CSN1S1: variants seen among roughly 807,000 people sequenced by gnomAD.
The protein encoded by CSN1S1 is alpha-S1-casein.
Under a neutral mutation model 49.1 loss-of-function variants are expected in CSN1S1, and 63 were observed. The ratio of observed to expected loss-of-function variants is 1.28; its 90% CI spans 1.05 to 1.58. The LOEUF (loss-of-function observed/expected upper bound fraction) is 1.58, where lower values mean the gene tolerates loss of function less well. CSN1S1 is among the 40% of genes most tolerant of loss of function. The pLI, the probability that CSN1S1 is intolerant of heterozygous loss-of-function variation, is 0.00. For missense variants in CSN1S1, 260 were observed against 224.7 expected (o/e 1.16, Z -1.01); for synonymous variants, 78 against 67.1 (o/e 1.16, Z -0.79).
At position 69,942,557 on chromosome 4, in the gene CSN1S1, G is replaced by A; in HGVS notation, c.382G>A (p.Glu128Lys). Residue 128 changes from glutamate to lysine, a missense_variant, in exon 14 of 16, where the codon GAA (glutamate) becomes AAA (lysine). Physicochemically the swap from Glu to Lys is moderately conservative, Grantham distance 56 (BLOSUM62 1). Coordinates refer to ENST00000246891, the MANE Select transcript of CSN1S1 (RefSeq NM_001890.2). ...GCAGGAGCAAATTCGCAGAATGAATGAAAACAGCCATGTCCAAGTGGTAAT... is the reference window on the plus strand; with the variant it reads ...GCAGGAGCAAATTCGCAGAATGAATAAAAACAGCCATGTCCAAGTGGTAAT... ...HAQEQIRRMNENSHVQVPFQQ... is the reference protein window; with the variant it reads ...HAQEQIRRMNKNSHVQVPFQQ... 1 of 1,588,096 alleles carries A rather than the reference G, an allele frequency of 6.3e-7. No homozygotes were observed.
chr4:69,940,026 GTC>G lies in CSN1S1; in HGVS notation c.287_288del (p.Leu96GlnfsTer2). ...SSISSSSEEM[S>X]LSKCAEQFCR... ...ATGTTTTAATTTTTTTAAAGGAAAT[GTC>G]TCTCAGTAAGTGTGCGGTAAGACAT... On this transcript the variant is annotated frameshift_variant, in exon 11 of 16. Transcript: ENST00000246891. LOFTEE classifies it high-confidence loss of function. The G allele has an allele frequency of 7.2e-7, 1 of 1,395,950 alleles. No individual in the cohort carries two copies. Among genetic ancestry groups the G allele is most frequent in the Non-Finnish European group, 9.7e-7 (1 of 1,035,014 alleles). 86.5% of individuals were successfully genotyped at this position (1,395,950 alleles called of 1,614,324 possible). A position where few individuals can be genotyped will look rare whatever the true frequency, so the allele number is the denominator to read the frequency against.
intron 1 of CSN1S1, among the ~76,000 whole-genome samples, chr4:69,932,206 A>G (rs1245179642): frequency 2.6e-5 from 4 of 151,856 alleles, no homozygotes; most frequent in Non-Finnish European, 5.9e-5. Context: ...TCTTTTTTCA[A>G]TTGTATTTCA....
Position 69,934,539 on chromosome 4 carries a change from A to C in CSN1S1, c.85-151A>C. ...ATTCTTGCTTTTTTCAATGTTACAC[A>C]TATTCAAGCATGTGATTTACAGTTT... On this transcript the variant is annotated intron_variant, in intron 3 of 15. Transcript: ENST00000246891. 3 of 705,330 alleles carry C rather than the reference A, an allele frequency of 4.3e-6. No homozygotes were observed. The Admixed American group carries it at 8.7e-5, about 20-fold the overall frequency. 43.7% of individuals were successfully genotyped at this position (705,330 alleles called of 1,614,324 possible).
intron 13 of CSN1S1, 106 bp downstream of exon 13, chr4:69,942,169 C>G: frequency 1.4e-5 from 9 of 650,446 alleles, no homozygotes; most frequent in Non-Finnish European, 1.7e-5. Flanking sequence ...AGAGAGTGTT[C>G]TACCAACACT....
At chr4:69,939,131 C>A (rs2279526) in intron 9 of CSN1S1, 45 bp from the exon 10 acceptor site, 366,828 of 1,471,630 alleles carry the variant, frequency 0.25, 48,583 homozygotes, top group East Asian at 0.39. Flanking sequence ...CCTTCAAATT[C>A]TAAAAATCCC....
chr4:69,934,081 A>T (rs1003939387), intron 2 of CSN1S1, 131 bp from the exon 3 acceptor site: 7 of 521,352 alleles, frequency 1.3e-5, no homozygotes, highest in East Asian at 3.4e-5. Flanking sequence ...TCTCTGACAA[A>T]TATTGCTATT....
In CSN1S1 at chr4:69,935,906, C is replaced by T. The variant is rs1384217406; in HGVS notation, c.106-20C>T. ...TAACTCAACTATGAATGAATTTTAA[C>T]ATAACTTTTTTTTTTGTAGCCTATA... On this transcript the variant is annotated intron_variant, in intron 4 of 15. Coordinates refer to ENST00000246891, the MANE Select transcript of CSN1S1 (RefSeq NM_001890.2). 2 of 1,471,206 alleles carry T rather than the reference C, an allele frequency of 1.4e-6. No individual in the cohort carries two copies. Among genetic ancestry groups the T allele is most frequent in the South Asian group, 2.5e-5 (2 of 79,738 alleles). The allele number at this position is 1,471,206 out of a possible 1,614,324, so 91.1% of individuals were successfully genotyped here.
In CSN1S1 at chr4:69,941,893, C is replaced by T. The variant is rs547169085; in HGVS notation, c.343-153C>T. On this transcript the variant is annotated intron_variant, in intron 12 of 15. Coordinates refer to ENST00000246891, the MANE Select transcript of CSN1S1 (RefSeq NM_001890.2). ...CTGTAACCTCCACAACTGTTAGAAC[C>T]TACTTGTCCTCCTGAGAGATTTTGT... Among the ~76,000 whole-genome samples the T allele has an allele frequency of 2.0e-5, 3 of 151,912 alleles. No homozygotes were observed. The South Asian group carries it at 6.2e-4, about 32-fold the overall frequency.
At position 69,936,442 on chromosome 4, in the gene CSN1S1, T is replaced by G; in HGVS notation, c.130-14T>G. On this transcript the variant is annotated splice_polypyrimidine_tract_variant and intron_variant, in intron 5 of 15. Coordinates refer to ENST00000246891, the MANE Select transcript of CSN1S1 (RefSeq NM_001890.2). ...TTCACTAATATTGTTTATGTTTTCT[T>G]TTTTATCCCTAAGGAATACATGAAT... 6.5e-7 allele frequency: 1 copy of G among 1,532,520 alleles called. No individual in the cohort carries two copies. Among genetic ancestry groups the G allele is most frequent in the Non-Finnish European group, 9.0e-7 (1 of 1,109,946 alleles). The allele number at this position is 1,532,520 out of a possible 1,614,324, so 94.9% of individuals were successfully genotyped here.
chr4:69,937,791 T>G lies in CSN1S1; in HGVS notation c.220-9T>G, dbSNP rs543388600. 1.2e-5 allele frequency: 19 copies of G among 1,590,100 alleles called. No homozygotes were observed. The South Asian group carries it at 2.1e-4, about 18-fold the overall frequency. ...GAAAAATGAAATTGATTATTTTTTC[T>G]TTCTTAAGAACTGTGTTGTGGCAGA... On this transcript the variant is annotated splice_polypyrimidine_tract_variant and intron_variant, in intron 8 of 15. Coordinates refer to ENST00000246891, the MANE Select transcript of CSN1S1 (RefSeq NM_001890.2).
At chr4:69,932,908 CAACA>C (rs1271379780) in intron 2 of CSN1S1, among the ~76,000 whole-genome samples, 1 of 151,850 alleles carries the variant, frequency 6.6e-6, no homozygotes, top group Admixed American at 6.6e-5. Flanking sequence ...TAATAAATAG[CAACA>C]AACAATGTGA....
chr4:69,946,316 T>C lies in CSN1S1; in HGVS notation c.*120T>C. On this transcript the variant is annotated 3_prime_UTR_variant, in exon 16 of 16. Transcript: ENST00000246891. ...ATTGAAGGAAATTGTTCTTTTTGAG[T>C]TATCTACTTAATAGCATATCATTCT... The C allele has an allele frequency of 2.7e-6, 1 of 371,422 alleles. No individual in the cohort carries two copies. The highest frequency in any genetic ancestry group is 2.1e-5 in the African/African-American group (1 of 48,004). 23.0% of individuals were successfully genotyped at this position (371,422 alleles called of 1,614,324 possible).
At chr4:69,941,123 T>C in intron 12 of CSN1S1, 63 bp downstream of exon 12, 1 of 713,636 alleles carries the variant, frequency 1.4e-6, no homozygotes, top group South Asian at 2.7e-5. Flanking sequence ...CATATTAAAT[T>C]TTAAATTGGG....
At chr4:69,931,670 C>T (rs1232434623) in intron 1 of CSN1S1, among the ~76,000 whole-genome samples, 2 of 149,190 alleles carry the variant, frequency 1.3e-5, no homozygotes, top group African/African-American at 2.4e-5. Context: ...AAAAATATGC[C>T]TTTTTTATTA....
In CSN1S1 at chr4:69,944,956, C is replaced by T. The variant is rs748672145; in HGVS notation, c.509C>T (p.Pro170Leu). ...PFPPFSDISNPTAHENYEKNN... is the reference protein window; with the variant it reads ...PFPPFSDISNLTAHENYEKNN... Reference sequence around the variant, plus strand: ...CCACCGTTTTCCGACATCTCCAATCCCACTGCTCATGAAAATTATGAAAAA... The same window carrying T: ...CCACCGTTTTCCGACATCTCCAATCTCACTGCTCATGAAAATTATGAAAAA... Residue 170 changes from proline to leucine, a missense_variant, in exon 15 of 16, where the codon CCC becomes CTC. By Grantham distance (98) the Pro-to-Leu change is moderately conservative (BLOSUM62 -3). Transcript: ENST00000246891. 6.8e-6 allele frequency: 11 copies of T among 1,612,832 alleles called. No individual in the cohort carries two copies. The East Asian group carries it at 2.0e-4, about 29-fold the overall frequency.
chr4:69,936,505 T>C (rs1217186839), intron 6 of CSN1S1, 26 bp downstream of exon 6: 1 of 1,589,468 alleles, frequency 6.3e-7, no homozygotes, highest in Non-Finnish European at 8.6e-7. Flanking sequence ...GAAATTTAAA[T>C]TATGTTAAAA....
In CSN1S1 at chr4:69,932,397, TA is replaced by T. The variant is rs1464056462; in HGVS notation, c.-12-145del. On this transcript the variant is annotated intron_variant, in intron 1 of 15. Coordinates refer to ENST00000246891, the MANE Select transcript of CSN1S1 (RefSeq NM_001890.2). ...TTGAGTAGTAAAGTTTTTAAAATCT[TA>T]AGTTTATAAAAATTCACATTACAGC... is the stretch of plus-strand genomic sequence containing the variant. 7 of 595,732 alleles carry T rather than the reference TA, an allele frequency of 1.2e-5. No individual in the cohort carries two copies. In the African/African-American group the frequency reaches 1.3e-4, roughly 11 times the overall value. The allele number at this position is 595,732 out of a possible 1,614,324, so 36.9% of individuals were successfully genotyped here.
chr4:69,936,374 T>G (rs1722783827), intron 5 of CSN1S1, 82 bp from the exon 6 acceptor site: 1 of 1,022,514 alleles, frequency 9.8e-7, no homozygotes, highest in African/African-American at 1.6e-5. Context: ...CAGCACGATG[T>G]GAAGTACAGT....
At chr4:69,939,029 AC>A (rs1477060243) in intron 9 of CSN1S1, 146 bp from the exon 10 acceptor site, 1 of 454,492 alleles carries the variant, frequency 2.2e-6, no homozygotes, top group Non-Finnish European at 4.0e-6. Flanking sequence ...CCAAGAAAAT[AC>A]AATGTAGTAC....
Sources: allele counts gnomAD v4.1 joint callset (sites outside exome capture counted in the v4.1 genomes callset), GRCh38; gene constraint gnomAD v4.1.1; transcripts MANE v1.5; gene names NCBI Gene and HGNC (gene_info 2026-07-23, HGNC 2026-07-21).